Variants in MSI2 observed in about 807,000 individuals in gnomAD.
MSI2 encodes the protein RNA-binding protein Musashi homolog 2.
MSI2 carries 17 observed loss-of-function variants against 45.6 expected under a neutral mutation model. That is an observed-to-expected ratio of 0.37 (90% CI 0.26 to 0.56). MSI2 has a LOEUF of 0.56. Among genes scored for constraint, MSI2 ranks in the 20% least tolerant of loss-of-function variants. The pLI, the probability that MSI2 is intolerant of heterozygous loss-of-function variation, is 0.77. For missense variants in MSI2, 293 were observed against 444.2 expected (o/e 0.66, Z 3.06); for synonymous variants, 156 against 158.2 (o/e 0.99, Z 0.11).
chr17:57,497,928 T>C (rs928293982), intron 6 of MSI2, among the ~76,000 whole-genome samples: 2 of 152,208 alleles, frequency 1.3e-5, no homozygotes, highest in Non-Finnish European at 2.9e-5. Flanking sequence ...TGGTACATTA[T>C]ACCCTACTGG....
At chr17:57,511,582 G>A (rs1236201035) in intron 6 of MSI2, among the ~76,000 whole-genome samples, 1 of 152,156 alleles carries the variant, frequency 6.6e-6, no homozygotes, top group Non-Finnish European at 1.5e-5. Context: ...TTTCTCTCGT[G>A]CGTACGGATG....
chr17:57,586,173 G>A (rs1184279160), intron 7 of MSI2, among the ~76,000 whole-genome samples: 5 of 152,218 alleles, frequency 3.3e-5, no homozygotes, highest in African/African-American at 1.2e-4. Context: ...AGCGCACTCG[G>A]AATTAAATGA....
intron 6 of MSI2, among the ~76,000 whole-genome samples, chr17:57,507,181 G>T (rs968101110): frequency 2.7e-5 from 4 of 149,326 alleles, no homozygotes; most frequent in African/African-American, 5.0e-5. Flanking sequence ...GTGTTGGGGG[G>T]GGGGGGTGTA....
At chr17:57,330,396 T>C (rs751208028) in intron 5 of MSI2, among the ~76,000 whole-genome samples, 1 of 151,898 alleles carries the variant, frequency 6.6e-6, no homozygotes, top group African/African-American at 2.4e-5. Flanking sequence ...GCGATTCTCC[T>C]GCCTCAGCCT....
intron 6 of MSI2, among the ~76,000 whole-genome samples, chr17:57,526,337 T>C (rs73312831): frequency 0.066 from 9,864 of 150,156 alleles, 762 homozygotes; most frequent in African/African-American, 0.19. Flanking sequence ...TGAGTCTTCA[T>C]AGCCCCCTGA....
chr17:57,351,159 A>G (rs1916000520), intron 5 of MSI2, among the ~76,000 whole-genome samples: 1 of 152,062 alleles, frequency 6.6e-6, no homozygotes, highest in African/African-American at 2.4e-5. Context: ...CCCAACCGGA[A>G]ACCAGGAGAC....
At chr17:57,586,650 G>C (rs2088355868) in intron 7 of MSI2, among the ~76,000 whole-genome samples, 1 of 152,142 alleles carries the variant, frequency 6.6e-6, no homozygotes, top group Admixed American at 6.5e-5. Context: ...AGTCTGAATG[G>C]GTGCCTGAAC....
chr17:57,408,948 A>G (rs965826915), intron 6 of MSI2, among the ~76,000 whole-genome samples: 2 of 134,270 alleles, frequency 1.5e-5, no homozygotes, highest in African/African-American at 2.8e-5. Context: ...TTTTTCTTCC[A>G]TTTTCTTTCT....
At chr17:57,266,587 C>T (rs1269268097) in intron 5 of MSI2, 1 of 152,222 alleles carries the variant, frequency 6.6e-6, no homozygotes, top group Non-Finnish European at 1.5e-5. Flanking sequence ...TCTTGAACTC[C>T]TGACCTCAGG....
rs1194139172 is a variant in MSI2 at position 57,433,635 on chromosome 17, C to T, written c.405+32164C>T. 2.6e-5 allele frequency among the ~76,000 whole-genome samples: 4 copies of T among 152,320 alleles called. No individual in the cohort carries two copies. In the East Asian group the frequency reaches 5.8e-4, roughly 22 times the overall value. ...ATAGGGAAGCTGTGTTTTGAAGCCA[C>T]GAATTCTGAGTGCAGGAATGTTCTC... On this transcript the variant is annotated intron_variant, in intron 6 of 13. Transcript: ENST00000284073.
intron 5 of MSI2, among the ~76,000 whole-genome samples, chr17:57,393,672 GTTTATTTA>G (rs557844368): frequency 1.8e-4 from 28 of 151,910 alleles, no homozygotes; most frequent in Admixed American, 1.8e-3. Context: ...CACTATGTTT[GTTTATTTA>G]TTTATTTATT....
chr17:57,396,318 C>T (rs1359523550), intron 5 of MSI2, among the ~76,000 whole-genome samples: 1 of 151,840 alleles, frequency 6.6e-6, no homozygotes, highest in East Asian at 1.9e-4. Flanking sequence ...TAAGTTTTCC[C>T]TTTAATCTCA....
At position 57,684,075 on chromosome 17, in the gene MSI2, A is replaced by G. The variant is rs1401480437; in HGVS notation, c.*4558A>G. ...ATAATCAGAATGTATTGTCTCAGAC[A>G]GGATTTCAGTTCCGGGAGGCAGGGG... is the stretch of plus-strand genomic sequence containing the variant. On this transcript the variant is annotated 3_prime_UTR_variant, in exon 14 of 14. Transcript: ENST00000284073. 9.5e-6 allele frequency: 2 copies of G among 211,174 alleles called. No homozygotes were observed. Among genetic ancestry groups the G allele is most frequent in the African/African-American group, 4.5e-5 (2 of 43,968 alleles). 13.1% of individuals were successfully genotyped at this position (211,174 alleles called of 1,614,324 possible). A position where few individuals can be genotyped will look rare whatever the true frequency, so the allele number is the denominator to read the frequency against.
At chr17:57,584,193 C>T (rs979593904) in intron 7 of MSI2, among the ~76,000 whole-genome samples, 11 of 152,306 alleles carry the variant, frequency 7.2e-5, no homozygotes, top group Admixed American at 2.0e-4. Flanking sequence ...GAGCAGTCTC[C>T]GCTCCCTCCT....
At chr17:57,292,072 C>G (rs535087065) in intron 5 of MSI2, among the ~76,000 whole-genome samples, 5 of 151,808 alleles carry the variant, frequency 3.3e-5, no homozygotes, top group African/African-American at 9.7e-5. Context: ...GCGAGACCTG[C>G]GTGAAAATGC....
chr17:57,512,030 A>AAGTT (rs2086366853), intron 6 of MSI2, among the ~76,000 whole-genome samples: 1 of 152,168 alleles, frequency 6.6e-6, no homozygotes, highest in Non-Finnish European at 1.5e-5. Flanking sequence ...TCCCCCAGCT[A>AAGTT]AGTTAGTGTC....
chr17:57,381,070 A>G (rs531264381), intron 5 of MSI2, among the ~76,000 whole-genome samples: 5 of 151,676 alleles, frequency 3.3e-5, no homozygotes, highest in African/African-American at 9.7e-5. Flanking sequence ...TTACTTCTCA[A>G]TTTTATTTTT....
rs190235437 is a variant in MSI2 at position 57,534,711 on chromosome 17, G to A, written c.454+4987G>A. ...GCCTGGGCAACAAGAGTGAAACTCC[G>A]TCTCACAAAAATATAAAACAAAAAC... On this transcript the variant is annotated intron_variant, in intron 7 of 13. Coordinates refer to ENST00000284073, the MANE Select transcript of MSI2 (RefSeq NM_138962.4). Among the ~76,000 whole-genome samples, 102 of 152,288 alleles carry A rather than the reference G, an allele frequency of 6.7e-4. 1 individual carries two copies. Among genetic ancestry groups the A allele is most frequent in the Non-Finnish European group, 1.2e-3 (80 of 68,016 alleles).
intron 7 of MSI2, among the ~76,000 whole-genome samples, chr17:57,585,979 G>A (rs1232716426): frequency 6.6e-6 from 1 of 152,242 alleles, no homozygotes; most frequent in African/African-American, 2.4e-5. Context: ...CAGTTGTCTA[G>A]CGATTTAATT....
Sources: allele counts gnomAD v4.1 joint callset (sites outside exome capture counted in the v4.1 genomes callset), GRCh38; gene constraint gnomAD v4.1.1; transcripts MANE v1.5; gene names NCBI Gene and HGNC (gene_info 2026-07-23, HGNC 2026-07-21).